FAIM2: variants seen among roughly 807,000 people sequenced by gnomAD.
FAIM2 encodes the protein Fas apoptotic inhibitory molecule 2.
A neutral mutation model predicts 47.4 loss-of-function variants in FAIM2; 27 were observed. The observed-to-expected ratio is 0.57, with a 90% CI of 0.42 to 0.78. The LOEUF (loss-of-function observed/expected upper bound fraction) is 0.78, where lower values mean the gene tolerates loss of function less well. Ranked by LOEUF, FAIM2 falls within the 30% of genes least tolerant of loss-of-function variation. The pLI, the probability that FAIM2 is intolerant of heterozygous loss-of-function variation, is 0.00. For synonymous variants in FAIM2, 156 were observed against 159.3 expected (o/e 0.98, Z 0.16); for missense variants, 311 against 389.4 (o/e 0.80, Z 1.69).
Position 49,901,240 on chromosome 12 carries a change from G to T in FAIM2, c.101C>A (p.Ala34Asp). The part of the protein sequence containing the change: ...EKKEAPAVPS[A>D]PPSYEEATSG... ...GGTGGCTTCCTCATAGGAGGGTGGG[G>T]CTGAGGGCACTGCTGGAGCCTCCTT... The change falls in exon 2 of 12, where the codon GCC (alanine) becomes GAC (aspartate). Residue 34 changes from alanine (A) to aspartate (D), a missense_variant. By Grantham distance (126) the Ala-to-Asp change is moderately radical. Coordinates refer to ENST00000320634, the MANE Select transcript of FAIM2 (RefSeq NM_012306.4). The T allele has an allele frequency of 6.2e-7, 1 of 1,611,394 alleles. No homozygotes were observed.
chr12:49,896,589 A>C (rs1396895519), intron 5 of FAIM2, among the ~76,000 whole-genome samples: 1 of 152,284 alleles, frequency 6.6e-6, no homozygotes, highest in Non-Finnish European at 1.5e-5. Context: ...TCAAGCACAC[A>C]GAACAATACC....
At chr12:49,885,131 G>C (rs546027987) in intron 11 of FAIM2, among the ~76,000 whole-genome samples, 7 of 152,282 alleles carry the variant, frequency 4.6e-5, no homozygotes, top group African/African-American at 1.7e-4. Context: ...AAACATAAAG[G>C]GTGGAACAGA....
Position 49,870,048 on chromosome 12 carries a change from C to G in FAIM2, c.*456G>C, listed in dbSNP as rs1946690975. ...CCCCCTTTCTTACAAAGTGTCAATG[C>G]CTGACCTGGATGAGAAAGACAGGAG... On this transcript the variant is annotated 3_prime_UTR_variant, in exon 12 of 12. Coordinates refer to ENST00000320634, the MANE Select transcript of FAIM2 (RefSeq NM_012306.4). The G allele has an allele frequency of 6.5e-6, 1 of 154,704 alleles. No individual in the cohort carries two copies. The highest frequency in any genetic ancestry group is 1.4e-5 in the Non-Finnish European group (1 of 69,770). The allele number at this position is 154,704 out of a possible 1,614,324, so 9.6% of individuals were successfully genotyped here. A position where few individuals can be genotyped will look rare whatever the true frequency, so the allele number is the denominator to read the frequency against.
chr12:49,880,881 A>AGTGTGT (rs56101227), intron 11 of FAIM2, among the ~76,000 whole-genome samples: 33,441 of 150,824 alleles, frequency 0.22, 4,684 homozygotes, highest in East Asian at 0.38. Flanking sequence ...CGTGAATGTG[A>AGTGTGT]GTGTGTGTGT....
At chr12:49,886,631 C>A (rs981854760) in intron 11 of FAIM2, among the ~76,000 whole-genome samples, 22 of 152,100 alleles carry the variant, frequency 1.4e-4, no homozygotes, top group African/African-American at 5.3e-4. Context: ...CCCGCCACCA[C>A]ACCCGGCTAA....
At position 49,889,554 on chromosome 12, in the gene FAIM2, G is replaced by A. The variant is rs1205945611; in HGVS notation, c.578C>T (p.Thr193Ile). 1.2e-6 allele frequency: 2 copies of A among 1,613,958 alleles called. No homozygotes were observed. Among genetic ancestry groups the A allele is most frequent in the Non-Finnish European group, 1.7e-6 (2 of 1,179,982 alleles). The change falls in exon 9 of 12, where the codon ACC (threonine) becomes ATC (isoleucine). Residue 193 changes from threonine (T) to isoleucine (I), a missense_variant. Coordinates refer to ENST00000320634, the MANE Select transcript of FAIM2 (RefSeq NM_012306.4). ...TGMLSSYYNT[T>I]SVLLCLGITA... ...GATGCCCAGGCACAGCAGCACGGAG[G>A]TGGTGTTGTAGTAGCTGAGGACCGT...
intron 1 of FAIM2, 104 bp downstream of exon 1, chr12:49,903,674 G>C: frequency 7.0e-7 from 1 of 1,437,414 alleles, no homozygotes; most frequent in Non-Finnish European, 9.6e-7. Flanking sequence ...CTTCAAACTA[G>C]GGCCAGGGGA....
intron 11 of FAIM2, among the ~76,000 whole-genome samples, chr12:49,880,217 T>C (rs374492378): frequency 0.011 from 1,639 of 151,914 alleles, 11 homozygotes; most frequent in Non-Finnish European, 0.017. Flanking sequence ...TGCATGTGTG[T>C]ATATGTGCAT....
intron 11 of FAIM2, among the ~76,000 whole-genome samples, chr12:49,878,007 CAT>C (rs1490585301): frequency 7.0e-6 from 1 of 142,342 alleles, no homozygotes; most frequent in Non-Finnish European, 1.5e-5. Context: ...TGTGCATGTG[CAT>C]GTGTGTATGT....
chr12:49,881,343 A>G (rs1466293674), intron 11 of FAIM2, among the ~76,000 whole-genome samples: 1 of 152,210 alleles, frequency 6.6e-6, no homozygotes, highest in Non-Finnish European at 1.5e-5. Context: ...CAGGCTGGGC[A>G]GGAAGTGAAG....
At chr12:49,891,345 C>A (rs910743684) in intron 5 of FAIM2, among the ~76,000 whole-genome samples, 1 of 152,194 alleles carries the variant, frequency 6.6e-6, no homozygotes, top group African/African-American at 2.4e-5. Context: ...AATCTTGGGT[C>A]ACATGAGACA....
Position 49,875,907 on chromosome 12 carries a change from C to T in FAIM2, c.802-5254G>A, listed in dbSNP as rs879288809. Among the ~76,000 whole-genome samples, 15 of 152,154 alleles carry T rather than the reference C, an allele frequency of 9.9e-5. 1 individual carries two copies. Among genetic ancestry groups the T allele is most frequent in the South Asian group, 8.3e-4 (4 of 4,816 alleles). ...AGGAGAATCGCTTGAACCCGGGAAG[C>T]GGAGGTTCCAGTAAGCCAAGATCAC... On this transcript the variant is annotated intron_variant, in intron 11 of 11. Coordinates refer to ENST00000320634, the MANE Select transcript of FAIM2 (RefSeq NM_012306.4).
At chr12:49,891,224 G>T in intron 5 of FAIM2, 110 bp from the exon 6 acceptor site, 1 of 1,009,916 alleles carries the variant, frequency 9.9e-7, no homozygotes, top group Non-Finnish European at 1.5e-6. Context: ...GCAGCCAGGA[G>T]GGACAGGATG....
rs575721351 is a variant in FAIM2, at chr12:49,879,683, T to C, written c.801+7703A>G. On this transcript the variant is annotated intron_variant, in intron 11 of 11. Transcript: ENST00000320634. ...GTATATGTGAGTGTGTGCATGTGTG[T>C]ATCTGTGTCTGTGTGCATGTGTGTG... is the stretch of plus-strand genomic sequence containing the variant. 9.1e-3 allele frequency among the ~76,000 whole-genome samples: 1,172 copies of C among 128,708 alleles called. 12 individuals carry two copies. Among genetic ancestry groups the C allele is most frequent in the African/African-American group, 0.035 (1,099 of 31,558 alleles). 84.4% of individuals were successfully genotyped at this position (128,708 alleles called of 152,430 possible).
At chr12:49,901,386 C>T (rs2137109813) in intron 1 of FAIM2, 61 bp from the exon 2 acceptor site, 1 of 1,303,946 alleles carries the variant, frequency 7.7e-7, no homozygotes, top group South Asian at 1.5e-5. Flanking sequence ...CCAACTCCTC[C>T]TCCTCACCAA....
intron 11 of FAIM2, among the ~76,000 whole-genome samples, 153 bp downstream of exon 11, chr12:49,887,229 GAACA>G (rs759334015): frequency 1.1e-4 from 16 of 152,164 alleles, no homozygotes; most frequent in South Asian, 2.1e-4. Flanking sequence ...TCCCCCAAAT[GAACA>G]AACAAACAAA....
At chr12:49,883,531 T>C (rs775110271) in intron 11 of FAIM2, among the ~76,000 whole-genome samples, 6 of 151,922 alleles carry the variant, frequency 3.9e-5, no homozygotes, top group Non-Finnish European at 7.4e-5. Context: ...ACATGTGAAG[T>C]CTGAGGTGCC....
At chr12:49,871,645 ATTTTT>A (rs1379277015) in intron 11 of FAIM2, among the ~76,000 whole-genome samples, 1 of 149,904 alleles carries the variant, frequency 6.7e-6, no homozygotes, top group East Asian at 2.0e-4. Context: ...TGGGATTGGA[ATTTTT>A]TTTCTTTTCT....
chr12:49,875,641 T>A (rs1946731193), intron 11 of FAIM2, among the ~76,000 whole-genome samples: 1 of 152,006 alleles, frequency 6.6e-6, no homozygotes, highest in African/African-American at 2.4e-5. Flanking sequence ...AGGGGGGTAG[T>A]GTATGAAAGT....
Sources: gnomAD v4.1 joint callset for allele counts (sites outside exome capture counted in the v4.1 genomes callset) on GRCh38, gnomAD v4.1.1 for gene constraint, MANE v1.5 for transcripts, NCBI Gene and HGNC (gene_info 2026-07-23, HGNC 2026-07-21) for gene names.